The following SPPL2A variants were observed in gnomAD, a reference collection of about 807,000 sequenced individuals.
The protein encoded by SPPL2A is signal peptide peptidase like 2A.
A neutral mutation model predicts 63.8 loss-of-function variants in SPPL2A; 51 were observed. The observed-to-expected ratio is 0.80, with a 90% CI of 0.64 to 1.01. SPPL2A has a LOEUF of 1.01. SPPL2A is among the 50% of genes least tolerant of loss of function. The pLI, the probability that SPPL2A is intolerant of heterozygous loss-of-function variation, is 0.00. For synonymous variants in SPPL2A, 188 were observed against 205.8 expected, an observed-to-expected ratio of 0.91 and a Z score of 0.74; for missense variants, 553 against 622.7, an observed-to-expected ratio of 0.89 and a Z score of 1.19.
At chr15:50,725,078 C>A in intron 12 of SPPL2A, 143 bp downstream of exon 12, 1 of 640,910 alleles carries the variant, frequency 1.6e-6, no homozygotes, top group Non-Finnish European at 2.7e-6. Flanking sequence ...CCTCAACAAG[C>A]TTTTTTGTTA....
chr15:50,744,974 T>C (rs760697057), intron 5 of SPPL2A, among the ~76,000 whole-genome samples: 3 of 152,202 alleles, frequency 2.0e-5, no homozygotes, highest in Non-Finnish European at 4.4e-5. Flanking sequence ...ATAAAGTATA[T>C]AGAAAACATT....
In SPPL2A at chr15:50,749,572, C is replaced by G. The variant is rs2062889885; in HGVS notation, c.177+64G>C. 1.1e-5 allele frequency: 12 copies of G among 1,072,256 alleles called. No individual in the cohort carries two copies. In the South Asian group the frequency reaches 1.4e-4, roughly 12 times the overall value. 66.4% of individuals were successfully genotyped at this position (1,072,256 alleles called of 1,614,324 possible). A position where few individuals can be genotyped will look rare whatever the true frequency, so the allele number is the denominator to read the frequency against. ...AAGTGCTGGGATTACAGGCATGAGC[C>G]ACCGTGCCCAGCCTCCTTCTTCACT... is the stretch of plus-strand genomic sequence containing the variant. On this transcript the variant is annotated intron_variant, in intron 2 of 14. Coordinates refer to ENST00000261854, the MANE Select transcript of SPPL2A (RefSeq NM_032802.4).
intron 1 of SPPL2A, 41 bp from the exon 2 acceptor site, chr15:50,749,787 G>T: frequency 8.2e-7 from 1 of 1,217,902 alleles, no homozygotes; most frequent in Non-Finnish European, 1.2e-6. Flanking sequence ...CAATGTTATG[G>T]CTTGCCAACA....
chr15:50,722,053 T>C, intron 13 of SPPL2A, 71 bp downstream of exon 13: 1 of 872,896 alleles, frequency 1.1e-6, no homozygotes, highest in Admixed American at 1.9e-5. Context: ...TCCTTCTTTA[T>C]TTTTAGACCT....
At position 50,714,999 on chromosome 15, in the gene SPPL2A, T is replaced by C. The variant is rs527266686; in HGVS notation, c.1488+4941A>G. Among the ~76,000 whole-genome samples, 61 of 151,822 alleles carry C rather than the reference T, an allele frequency of 4.0e-4. 1 individual carries two copies. The highest frequency in any genetic ancestry group is 1.4e-3 in the African/African-American group (58 of 41,344). ...ATGATTTTTAAGAAGTTTTTTTTGG[T>C]GTTTTTTTTTGTTTAGACTGTGTCA... On this transcript the variant is annotated intron_variant, in intron 14 of 14. Transcript: ENST00000261854.
At chr15:50,748,250 T>C (rs1349964192) in intron 3 of SPPL2A, 48 bp from the exon 4 acceptor site, 1 of 676,220 alleles carries the variant, frequency 1.5e-6, no homozygotes, top group Non-Finnish European at 2.4e-6. Context: ...AATATATTTA[T>C]AGAATAAAAT....
chr15:50,742,838 T>C (rs990335696), intron 5 of SPPL2A: 1 of 152,128 alleles, frequency 6.6e-6, no homozygotes, highest in Non-Finnish European at 1.5e-5. Context: ...GTTTTACAAA[T>C]AAAAAAGCTG....
At chr15:50,753,300 T>C (rs1567166302) in intron 1 of SPPL2A, among the ~76,000 whole-genome samples, 2 of 152,186 alleles carry the variant, frequency 1.3e-5, no homozygotes, top group Admixed American at 6.6e-5. Context: ...AAAGAGGCTA[T>C]TAAAAGAAAA....
chr15:50,735,857 G>A (rs562187049), intron 8 of SPPL2A, among the ~76,000 whole-genome samples: 1 of 152,274 alleles, frequency 6.6e-6, no homozygotes, highest in African/African-American at 2.4e-5. Flanking sequence ...GATTACAGGC[G>A]TGAAATTAAG....
Position 50,719,921 on chromosome 15 carries a change from C to T in SPPL2A, c.1488+19G>A, listed in dbSNP as rs2141024809. On this transcript the variant is annotated intron_variant, in intron 14 of 14. Transcript: ENST00000261854. ...ATTAAGCCATAAGATAACTTGGTAA[C>T]CAAAGTATAAGCACATACCTGATAG... is the stretch of plus-strand genomic sequence containing the variant. The T allele has an allele frequency of 8.2e-6, 13 of 1,585,560 alleles. No individual in the cohort carries two copies. Among genetic ancestry groups the T allele is most frequent in the South Asian group, 1.1e-5 (1 of 87,306 alleles).
chr15:50,715,712 A>G (rs1398397542), intron 14 of SPPL2A, among the ~76,000 whole-genome samples: 1 of 152,212 alleles, frequency 6.6e-6, no homozygotes, highest in Non-Finnish European at 1.5e-5. Context: ...TAATTAAGAT[A>G]CAAAAAAGAA....
chr15:50,733,879 C>G lies in SPPL2A; in HGVS notation c.933-1195G>C, dbSNP rs537186335. Among the ~76,000 whole-genome samples the G allele has an allele frequency of 7.2e-5, 11 of 151,798 alleles. No individual in the cohort carries two copies. The East Asian group carries it at 1.9e-3, about 27-fold the overall frequency. ...ATCTGAATAGACATTTCTCCAAAGA[C>G]ATAAAAATAACCAACAGATATATGA... is the stretch of plus-strand genomic sequence containing the variant. On this transcript the variant is annotated intron_variant, in intron 8 of 14. Transcript: ENST00000261854.
chr15:50,704,555 A>G lies in SPPL2A; in HGVS notation c.*3245T>C, dbSNP rs1352565592. On this transcript the variant is annotated 3_prime_UTR_variant, in exon 15 of 15. Transcript: ENST00000261854. ...CTTTTTTTTTTTTGCATCAAGAATT[A>G]ATAAATACAGTGTATCATTATTTTA... 3 of 151,918 alleles carry G rather than the reference A, an allele frequency of 2.0e-5. No individual in the cohort carries two copies. The highest frequency in any genetic ancestry group is 7.3e-5 in the African/African-American group (3 of 41,344). 9.4% of individuals were successfully genotyped at this position (151,918 alleles called of 1,614,324 possible).
At chr15:50,746,224 G>A (rs528425569) in intron 5 of SPPL2A, among the ~76,000 whole-genome samples, 10 of 151,898 alleles carry the variant, frequency 6.6e-5, no homozygotes, top group Non-Finnish European at 1.5e-4. Flanking sequence ...CAGATCAAAA[G>A]GTCAAGAGAT....
At chr15:50,765,084 A>G (rs2063046344) in intron 1 of SPPL2A, among the ~76,000 whole-genome samples, 1 of 152,298 alleles carries the variant, frequency 6.6e-6, no homozygotes, top group Admixed American at 6.5e-5. Context: ...CCCAAGGGTA[A>G]AAAGCGGTAA....
chr15:50,724,304 C>T (rs987730646), intron 12 of SPPL2A, among the ~76,000 whole-genome samples: 3 of 152,220 alleles, frequency 2.0e-5, no homozygotes, highest in East Asian at 1.9e-4. Context: ...GGAGCCGGCG[C>T]GGTGGCTCAC....
At chr15:50,764,653 A>T (rs1377442583) in intron 1 of SPPL2A, 2 of 152,184 alleles carry the variant, frequency 1.3e-5, no homozygotes, top group Non-Finnish European at 2.9e-5. Context: ...GTCACTAGAA[A>T]CAAAAACTGA....
At chr15:50,755,790 A>G (rs547341660) in intron 1 of SPPL2A, among the ~76,000 whole-genome samples, 1 of 152,058 alleles carries the variant, frequency 6.6e-6, no homozygotes, top group South Asian at 2.1e-4. Context: ...CTGCTATAGG[A>G]GCAGTGCTTA....
At chr15:50,722,064 C>A in intron 13 of SPPL2A, 60 bp downstream of exon 13, 1 of 936,686 alleles carries the variant, frequency 1.1e-6, no homozygotes, top group Non-Finnish European at 1.7e-6. Flanking sequence ...TTTTAGACCT[C>A]TGTCTTTTCC....
Sources: allele counts gnomAD v4.1 joint callset (sites outside exome capture counted in the v4.1 genomes callset), GRCh38; gene constraint gnomAD v4.1.1; transcripts MANE v1.5; gene names NCBI Gene and HGNC (gene_info 2026-07-23, HGNC 2026-07-21).